The following ANOS1 variants were observed in gnomAD, a reference collection of about 807,000 sequenced individuals.
ANOS1 encodes the protein anosmin 1.
Under a neutral mutation model 59.0 loss-of-function variants are expected in ANOS1, and 6 were observed. The observed-to-expected ratio is 0.10, with a 90% CI of 0.06 to 0.20. ANOS1 has a LOEUF of 0.20. Among genes scored for constraint, ANOS1 ranks in the 10% least tolerant of loss-of-function variants. The pLI, the probability that ANOS1 is intolerant of heterozygous loss-of-function variation, is 1.00. For synonymous variants in ANOS1, 217 were observed against 223.4 expected (o/e 0.97, Z 0.25); for missense variants, 433 against 542.3 (o/e 0.80, Z 2.00).
intron 9 of ANOS1, among the ~76,000 whole-genome samples, chrX:8,549,628 G>A (rs141981771): frequency 7.4e-4 from 83 of 112,122 alleles, no homozygotes; most frequent in African/African-American, 2.4e-3. Flanking sequence ...TCCTCTCTCT[G>A]CACTATAAGC....
chrX:8,586,853 T>A (rs1930519830), intron 5 of ANOS1, among the ~76,000 whole-genome samples: 1 of 109,428 alleles, frequency 9.1e-6, no homozygotes, highest in African/African-American at 3.3e-5. Flanking sequence ...TTGGGGTCTT[T>A]ACATTGTTTT....
At chrX:8,566,339 A>ATG (rs375466093) in intron 8 of ANOS1, 5,543 of 523,163 alleles carry the variant, frequency 0.011, 89 homozygotes, top group African/African-American at 0.073. Flanking sequence ...GTGTGTATAT[A>ATG]TGTGTGTGTG....
At chrX:8,644,478 C>T (rs773900411) in intron 2 of ANOS1, among the ~76,000 whole-genome samples, 7 of 108,658 alleles carry the variant, frequency 6.4e-5, no homozygotes, top group Non-Finnish European at 1.3e-4. Context: ...ATAGCAGGCC[C>T]TGAAAAAAAA....
intron 2 of ANOS1, among the ~76,000 whole-genome samples, chrX:8,633,262 T>C (rs1487544217): frequency 9.0e-6 from 1 of 111,671 alleles, no homozygotes; most frequent in Non-Finnish European, 1.9e-5. Flanking sequence ...GCGAAACTTA[T>C]CAGGAAACAC....
chrX:8,547,008 T>C (rs939260539), intron 9 of ANOS1, among the ~76,000 whole-genome samples: 11 of 111,850 alleles, frequency 9.8e-5, no homozygotes, highest in Admixed American at 1.9e-4. Flanking sequence ...GTCACTTGTG[T>C]AATACTCTTA....
intron 1 of ANOS1, among the ~76,000 whole-genome samples, chrX:8,726,971 C>T (rs986210805): frequency 1.1e-4 from 12 of 112,075 alleles, no homozygotes; most frequent in African/African-American, 3.9e-4. Context: ...GAGGAACCGC[C>T]ACTCCAAAGT....
chrX:8,606,955 T>C (rs1376388730), intron 3 of ANOS1, among the ~76,000 whole-genome samples: 1 of 112,011 alleles, frequency 8.9e-6, no homozygotes, highest in Non-Finnish European at 1.9e-5. Context: ...TCACCTCTAC[T>C]AAAAATCCAA....
rs143079588 is a variant in ANOS1 at position 8,597,112 on chromosome X, T to C, written c.463A>G (p.Asn155Asp). The change falls in exon 4 of 14, where the codon AAT becomes GAT. Residue 155 changes from asparagine to aspartate, a missense_variant. Coordinates refer to ENST00000262648, the MANE Select transcript of ANOS1 (RefSeq NM_000216.4). ...AACVESCEVD[N>D]ECSGVKKCCS... ...CATTTCTTCACCCCAGAGCACTCATTGTCAACTTCGCAGCTTTCAACACAG... is the reference window on the plus strand; with the variant it reads ...CATTTCTTCACCCCAGAGCACTCATCGTCAACTTCGCAGCTTTCAACACAG... 1.9e-4 allele frequency: 229 copies of C among 1,209,425 alleles called. No individual in the cohort carries two copies. In the East Asian group the frequency reaches 5.0e-3, roughly 26 times the overall value.
intron 2 of ANOS1, among the ~76,000 whole-genome samples, chrX:8,680,162 CAAAA>C (rs754341783): frequency 3.5e-5 from 1 of 28,515 alleles, no homozygotes; most frequent in Admixed American, 4.5e-4. Context: ...GAGACTCCAT[CAAAA>C]AAAAAAAAAA....
At chrX:8,663,131 A>G (rs1433588968) in intron 2 of ANOS1, among the ~76,000 whole-genome samples, 2 of 112,289 alleles carry the variant, frequency 1.8e-5, no homozygotes, top group East Asian at 2.8e-4. Flanking sequence ...TAGCCCTCTC[A>G]GAAGGAACCA....
At chrX:8,690,462 C>A (rs1288353135) in intron 2 of ANOS1, among the ~76,000 whole-genome samples, 1 of 112,032 alleles carries the variant, frequency 8.9e-6, no homozygotes, top group Non-Finnish European at 1.9e-5. Context: ...TTTTGATCCA[C>A]TACATATTAG....
At chrX:8,694,559 C>A (rs776723671) in intron 2 of ANOS1, among the ~76,000 whole-genome samples, 6 of 111,908 alleles carry the variant, frequency 5.4e-5, no homozygotes, top group African/African-American at 1.9e-4. Context: ...ATCCCAGTTA[C>A]TCAGGAGGCT....
chrX:8,705,776 A>C lies in ANOS1; in HGVS notation c.208-6031T>G, dbSNP rs141661019. ...CAAAGATAAAATAACAGTATTTGCA[A>C]TAAAGTCTTGTTCTGGCTTAAAGCC... On this transcript the variant is annotated intron_variant, in intron 1 of 13. Transcript: ENST00000262648. 2.8e-3 allele frequency among the ~76,000 whole-genome samples: 313 copies of C among 112,995 alleles called. 1 individual carries two copies. The highest frequency in any genetic ancestry group is 9.3e-3 in the African/African-American group (291 of 31,179).
chrX:8,688,825 CTAAAA>C (rs1932561404), intron 2 of ANOS1, among the ~76,000 whole-genome samples: 1 of 111,914 alleles, frequency 8.9e-6, no homozygotes, highest in African/African-American at 3.3e-5. Flanking sequence ...AGTTTCTAGG[CTAAAA>C]TAACCTGGAA....
intron 1 of ANOS1, among the ~76,000 whole-genome samples, chrX:8,725,509 A>G (rs1298155976): frequency 1.2e-5 from 1 of 86,360 alleles, no homozygotes; most frequent in Non-Finnish European, 2.3e-5. Flanking sequence ...GATAAATAAT[A>G]TTATATACAG....
intron 1 of ANOS1, among the ~76,000 whole-genome samples, chrX:8,702,096 T>C (rs901243678): frequency 9.0e-6 from 1 of 110,914 alleles, no homozygotes; most frequent in Non-Finnish European, 1.9e-5. Context: ...ACCTACTGAG[T>C]TCCGTACGTC....
chrX:8,585,489 G>T, intron 5 of ANOS1, 93 bp from the exon 6 acceptor site: 1 of 1,003,923 alleles, frequency 1.0e-6, no homozygotes, highest in Non-Finnish European at 1.4e-6. Context: ...TAACCCATCA[G>T]CCAATGCAAC....
chrX:8,716,577 G>A (rs774035967), intron 1 of ANOS1, among the ~76,000 whole-genome samples: 2 of 111,844 alleles, frequency 1.8e-5, no homozygotes, highest in South Asian at 3.8e-4. Flanking sequence ...GGGCACCAGC[G>A]ATCTGGATCC....
At chrX:8,688,527 C>T (rs1440824238) in intron 2 of ANOS1, among the ~76,000 whole-genome samples, 12 of 112,227 alleles carry the variant, frequency 1.1e-4, no homozygotes, top group South Asian at 3.7e-4. Flanking sequence ...TAAGAGATTT[C>T]GTTTGCATTT....
Sources: allele counts gnomAD v4.1 joint callset (sites outside exome capture counted in the v4.1 genomes callset), GRCh38; gene constraint gnomAD v4.1.1; transcripts MANE v1.5; gene names NCBI Gene and HGNC (gene_info 2026-07-23, HGNC 2026-07-21).